The following NAA60 variants were observed in gnomAD, a reference collection of about 807,000 sequenced individuals.
The protein encoded by NAA60 is N-alpha-acetyltransferase 60, NatF catalytic subunit.
A neutral mutation model predicts 26.1 loss-of-function variants in NAA60; 8 were observed. The observed-to-expected ratio is 0.31, with a 90% confidence interval of 0.18 to 0.55. The LOEUF (loss-of-function observed/expected upper bound fraction) is 0.55, where lower values mean the gene tolerates loss of function less well. Ranked by LOEUF, NAA60 falls within the 20% of genes least tolerant of loss-of-function variation. The pLI, the probability that NAA60 is intolerant of heterozygous loss-of-function variation, is 0.93. For synonymous variants in NAA60, 131 were observed against 122.5 expected (o/e 1.07, Z -0.46); for missense variants, 290 against 311.3 (o/e 0.93, Z 0.51).
chr16:3,467,819 C>T (rs77459543), intron 2 of NAA60: 9,357 of 152,176 alleles, frequency 0.061, 380 homozygotes, highest in Admixed American at 0.084. Flanking sequence ...CAGTTGTTAC[C>T]GATGGAGGGT....
intron 1 of NAA60, among the ~76,000 whole-genome samples, chr16:3,444,815 A>G (rs2034484213): frequency 6.6e-6 from 1 of 152,204 alleles, no homozygotes; most frequent in Non-Finnish European, 1.5e-5. Context: ...GTATTGTGTC[A>G]TGTACCCATC....
At chr16:3,474,144 A>G (rs1049837242) in intron 2 of NAA60, among the ~76,000 whole-genome samples, 21 of 152,314 alleles carry the variant, frequency 1.4e-4, no homozygotes, top group Admixed American at 1.3e-3. Flanking sequence ...TTCTCCCTAT[A>G]AAGCTGAGCA....
At chr16:3,447,419 C>T (rs1458785298) in intron 1 of NAA60, 3 of 969,150 alleles carry the variant, frequency 3.1e-6, no homozygotes, top group Admixed American at 6.2e-5. Flanking sequence ...TCTTCCCTGG[C>T]GATGTTTAAC....
At chr16:3,480,254 A>C (rs2036741248) in intron 4 of NAA60, among the ~76,000 whole-genome samples, 4 of 152,328 alleles carry the variant, frequency 2.6e-5, no homozygotes, top group South Asian at 4.1e-4. Context: ...AAACCCACCA[A>C]CAACTGGCAG....
In NAA60 at chr16:3,448,547, C is replaced by T. The variant is rs1344618392; in HGVS notation, c.-7+7C>T. 1 of 1,534,904 alleles carries T rather than the reference C, an allele frequency of 6.5e-7. No homozygotes were observed. Among genetic ancestry groups the T allele is most frequent in the South Asian group, 1.2e-5 (1 of 84,016 alleles). ...GGGAGAAGAGCTCCAGAGAGTGAGT[C>T]AAAGCGCTCTGTGTCCTGCTATTAA... On this transcript the variant is annotated splice_region_variant and intron_variant, in intron 2 of 7. Coordinates refer to ENST00000407558, the MANE Select transcript of NAA60 (RefSeq NM_001083601.3).
chr16:3,479,098 G>A (rs2036666229), intron 3 of NAA60, among the ~76,000 whole-genome samples: 1 of 152,006 alleles, frequency 6.6e-6, no homozygotes, highest in African/African-American at 2.4e-5. Flanking sequence ...AAATTAGCCG[G>A]GCGTGGTGGC....
At chr16:3,474,434 C>A (rs2036345656) in intron 2 of NAA60, among the ~76,000 whole-genome samples, 2 of 152,236 alleles carry the variant, frequency 1.3e-5, no homozygotes, top group South Asian at 4.1e-4. Context: ...CTCCACTCCG[C>A]AGAGAAGGCT....
At chr16:3,482,067 G>A (rs1486725836) in intron 4 of NAA60, among the ~76,000 whole-genome samples, 1 of 152,182 alleles carries the variant, frequency 6.6e-6, no homozygotes, top group South Asian at 2.1e-4. Context: ...ACCTGGGGCA[G>A]CGTGCGATTC....
chr16:3,448,383 G>A, intron 1 of NAA60, 88 bp from the exon 2 acceptor site: 1 of 1,051,748 alleles, frequency 9.5e-7, no homozygotes, highest in Non-Finnish European at 1.4e-6. Flanking sequence ...CTGAGATCCA[G>A]GGTTTGTCTG....
intron 2 of NAA60, among the ~76,000 whole-genome samples, chr16:3,465,025 T>C (rs2035648866): frequency 1.3e-5 from 2 of 152,130 alleles, no homozygotes; most frequent in Admixed American, 6.5e-5. Flanking sequence ...CTCAGTACTT[T>C]GGGAGTCTGA....
At chr16:3,482,920 C>T in intron 5 of NAA60, 1 of 505,172 alleles carries the variant, frequency 2.0e-6, no homozygotes, top group Non-Finnish European at 3.6e-6. Flanking sequence ...CTCGTGTATT[C>T]ACTGCTCACG....
chr16:3,476,697 A>C (rs1299992371), intron 3 of NAA60, among the ~76,000 whole-genome samples: 1 of 152,176 alleles, frequency 6.6e-6, no homozygotes, highest in African/African-American at 2.4e-5. Context: ...ATAAAAGTGC[A>C]ATATTATTCA....
At chr16:3,471,816 G>T (rs1190331860) in intron 2 of NAA60, among the ~76,000 whole-genome samples, 1 of 152,180 alleles carries the variant, frequency 6.6e-6, no homozygotes, top group Non-Finnish European at 1.5e-5. Context: ...GGCCAGGTGG[G>T]CAGCCTTTCC....
At chr16:3,467,246 A>T (rs1365541720) in intron 2 of NAA60, among the ~76,000 whole-genome samples, 3 of 152,036 alleles carry the variant, frequency 2.0e-5, no homozygotes, top group Admixed American at 6.6e-5. Context: ...TCCGTCTCAG[A>T]ACACCTGAGA....
chr16:3,482,568 G>A lies in NAA60; in HGVS notation c.307G>A (p.Val103Ile), dbSNP rs779804473. The A allele has an allele frequency of 8.7e-6, 14 of 1,608,420 alleles. No homozygotes were observed. Among genetic ancestry groups the A allele is most frequent in the African/African-American group, 1.3e-5 (1 of 74,830 alleles). The change falls in exon 5 of 8, where the codon GTC becomes ATC. Residue 103 changes from valine (V) to isoleucine (I), a missense_variant. Transcript: ENST00000407558. ...TQVAYILSLG[V>I]VKEFRKHGIG... Reference sequence around the variant, plus strand: ...AGTCGCGTACATCCTAAGTCTGGGCGTCGTGAAAGAGTTCAGGAAGCACGG... The same window carrying A: ...AGTCGCGTACATCCTAAGTCTGGGCATCGTGAAAGAGTTCAGGAAGCACGG...
At chr16:3,464,396 C>G (rs1018202103) in intron 2 of NAA60, among the ~76,000 whole-genome samples, 2 of 152,228 alleles carry the variant, frequency 1.3e-5, no homozygotes, top group South Asian at 2.1e-4. Flanking sequence ...AAAAAGGCAA[C>G]AAAACCCAGC....
intron 6 of NAA60, among the ~76,000 whole-genome samples, chr16:3,484,387 C>A (rs1274301827): frequency 6.6e-6 from 1 of 152,150 alleles, no homozygotes; most frequent in African/African-American, 2.4e-5. Flanking sequence ...CTAGGGAGAA[C>A]CAGAAGCACC....
intron 2 of NAA60, among the ~76,000 whole-genome samples, chr16:3,476,018 C>T (rs1017939277): frequency 1.3e-5 from 2 of 152,236 alleles, no homozygotes; most frequent in African/African-American, 4.8e-5. Flanking sequence ...GCCTGCCCTC[C>T]TGGGCCTGGG....
At chr16:3,458,132 G>T (rs2035105145) in intron 2 of NAA60, 1 of 985,202 alleles carries the variant, frequency 1.0e-6, no homozygotes, top group South Asian at 4.7e-5. Flanking sequence ...TCGCCTCCAG[G>T]ATGCGCTGAG....
Sources: allele counts gnomAD v4.1 joint callset (sites outside exome capture counted in the v4.1 genomes callset), GRCh38; gene constraint gnomAD v4.1.1; transcripts MANE v1.5; gene names NCBI Gene and HGNC (gene_info 2026-07-23, HGNC 2026-07-21).